Variants in LARP1 observed in about 807,000 individuals in gnomAD.
LARP1 encodes La ribonucleoprotein 1, translational regulator, also known as la-related protein 1.
A neutral mutation model predicts 122.7 loss-of-function variants in LARP1; 36 were observed. The observed-to-expected ratio is 0.29, with a 90% CI of 0.22 to 0.39. LARP1 has a LOEUF of 0.39. LARP1 is among the 10% of genes least tolerant of loss of function. The pLI is 1.00. For missense variants in LARP1, 1,040 were observed against 1,403.6 expected, an observed-to-expected ratio of 0.74 and a Z score of 4.14; for synonymous variants, 539 against 528.7, an observed-to-expected ratio of 1.02 and a Z score of -0.27.
intron 1 of LARP1, among the ~76,000 whole-genome samples, chr5:154,705,007 A>G (rs1754882099): frequency 6.6e-6 from 1 of 151,520 alleles, no homozygotes; most frequent in Admixed American, 6.6e-5. Flanking sequence ...AATCCCAGCT[A>G]CTCAGGAGGC....
At chr5:154,705,098 A>G (rs1415357291) in intron 1 of LARP1, among the ~76,000 whole-genome samples, 1 of 145,274 alleles carries the variant, frequency 6.9e-6, no homozygotes, top group Non-Finnish European at 1.5e-5. Flanking sequence ...AGCCTGGGCG[A>G]CAGATCAAGA....
At chr5:154,691,096 A>C (rs1176759764) in intron 1 of LARP1, among the ~76,000 whole-genome samples, 1 of 114,820 alleles carries the variant, frequency 8.7e-6, no homozygotes, top group East Asian at 2.0e-4. Context: ...CGTCTCTACT[A>C]AAAAAAGAAA....
At chr5:154,797,522 C>CG (rs754298962) in intron 8 of LARP1, among the ~76,000 whole-genome samples, 1 of 151,840 alleles carries the variant, frequency 6.6e-6, no homozygotes, top group Non-Finnish European at 1.5e-5. Context: ...CATGAGCTAC[C>CG]GCGCCCGGCC....
intron 1 of LARP1, among the ~76,000 whole-genome samples, chr5:154,735,890 T>G (rs1178911423): frequency 6.6e-6 from 1 of 151,894 alleles, no homozygotes; most frequent in Non-Finnish European, 1.5e-5. Context: ...CCATTTTTAA[T>G]TATTTTAAAA....
At chr5:154,747,305 CAAAA>C (rs1159076798) in intron 1 of LARP1, among the ~76,000 whole-genome samples, 2 of 74,582 alleles carry the variant, frequency 2.7e-5, no homozygotes, top group Non-Finnish European at 5.5e-5. Context: ...GACTCTGTCC[CAAAA>C]AAAAAAAAAA....
intron 1 of LARP1, among the ~76,000 whole-genome samples, chr5:154,750,330 T>G (rs1354146036): frequency 6.6e-6 from 1 of 151,670 alleles, no homozygotes; most frequent in African/African-American, 2.4e-5. Context: ...GGTGCAGTGG[T>G]GCAATCATGG....
intron 1 of LARP1, among the ~76,000 whole-genome samples, chr5:154,684,555 T>C (rs1753836589): frequency 6.6e-6 from 1 of 152,176 alleles, no homozygotes; most frequent in East Asian, 1.9e-4. Flanking sequence ...TAGACCCTCC[T>C]GCCTTTGAGT....
At chr5:154,761,125 A>G (rs571454736) in intron 1 of LARP1, among the ~76,000 whole-genome samples, 3 of 152,232 alleles carry the variant, frequency 2.0e-5, no homozygotes, top group Non-Finnish European at 4.4e-5. Flanking sequence ...CTTCTAAGGA[A>G]AGGTCACAAT....
At chr5:154,743,628 T>G (rs1356248762) in intron 1 of LARP1, among the ~76,000 whole-genome samples, 2 of 149,894 alleles carry the variant, frequency 1.3e-5, no homozygotes, top group East Asian at 3.9e-4. Flanking sequence ...TTTGTTTGTT[T>G]GTTTGTTTAG....
intron 14 of LARP1, 33 bp from the exon 15 acceptor site, chr5:154,805,848 A>G (rs1220478173): frequency 2.5e-6 from 4 of 1,604,522 alleles, no homozygotes; most frequent in East Asian, 4.5e-5. Flanking sequence ...GCTGTGGGGA[A>G]CCTGGTGACA....
Position 154,795,318 on chromosome 5 carries a change from C to T in LARP1, c.1376C>T (p.Ala459Val). 5.6e-6 allele frequency: 9 copies of T among 1,613,546 alleles called. No individual in the cohort carries two copies. The highest frequency in any genetic ancestry group is 7.6e-6 in the Non-Finnish European group (9 of 1,179,720). Residue 459 changes from alanine to valine, a missense_variant and splice_region_variant, in exon 8 of 19, where the codon GCG becomes GTG. By Grantham distance (64) the Ala-to-Val change is moderately conservative. Around this residue, in one of 8 missense-constraint regions of LARP1, gnomAD observed 362 missense variants for 533.1 expected, o/e 0.68. Coordinates refer to ENST00000518297, the MANE Select transcript of LARP1 (RefSeq NM_033551.3). ...ALTTDISLIFAALKDSKVVEI... is the reference protein window; with the variant it reads ...ALTTDISLIFVALKDSKVVEI... ...ACCACTGACATTTCACTCATCTTTG[C>T]GGTATGTCTTCCTCCCTGGAGCTGG...
rs946437228 is a variant in LARP1 at position 154,817,274 on chromosome 5, A to T, written c.*3178A>T. ...ACACCCACCCTCTCCCCCTTCAGCC[A>T]TGCTGATGGCAGAGAAGATAAGAAC... is the stretch of plus-strand genomic sequence containing the variant. On this transcript the variant is annotated 3_prime_UTR_variant, in exon 19 of 19. Coordinates refer to ENST00000518297, the MANE Select transcript of LARP1 (RefSeq NM_033551.3). 3.3e-5 allele frequency: 5 copies of T among 152,510 alleles called. No homozygotes were observed. The highest frequency in any genetic ancestry group is 1.2e-4 in the African/African-American group (5 of 41,454). 9.4% of individuals were successfully genotyped at this position (152,510 alleles called of 1,614,324 possible).
chr5:154,792,557 T>G (rs1582426522), intron 3 of LARP1, 65 bp from the exon 4 acceptor site: 24 of 1,441,828 alleles, frequency 1.7e-5, no homozygotes. Context: ...TGACAGGGAG[T>G]GCCTTCCCTC....
chr5:154,707,723 A>G (rs1257730186), intron 1 of LARP1, among the ~76,000 whole-genome samples: 1 of 152,004 alleles, frequency 6.6e-6, no homozygotes, highest in Non-Finnish European at 1.5e-5. Flanking sequence ...AATATGTTCA[A>G]TTTTCTGCAA....
chr5:154,761,252 G>T (rs1338692183), intron 1 of LARP1, among the ~76,000 whole-genome samples: 3 of 152,172 alleles, frequency 2.0e-5, no homozygotes, highest in African/African-American at 4.8e-5. Context: ...GGAAGTGAGT[G>T]CCTGCCAGGT....
chr5:154,803,773 A>G lies in LARP1; in HGVS notation c.2439+28A>G, dbSNP rs1164278629. 1.9e-6 allele frequency: 3 copies of G among 1,603,162 alleles called. No homozygotes were observed. The highest frequency in any genetic ancestry group is 2.6e-6 in the Non-Finnish European group (3 of 1,170,080). On this transcript the variant is annotated intron_variant, in intron 13 of 18. Coordinates refer to ENST00000518297, the MANE Select transcript of LARP1 (RefSeq NM_033551.3). The surrounding 1 kb of genome is among the most constrained non-coding windows in gnomAD (Gnocchi z 4.4). ...GAGGCATTCCTGTCGGGCTGCTCAG[A>G]GTCTTGGGTCTACTTCATTGCATTC...
At chr5:154,736,830 T>C (rs1015376634) in intron 1 of LARP1, among the ~76,000 whole-genome samples, 5 of 151,918 alleles carry the variant, frequency 3.3e-5, no homozygotes, top group African/African-American at 9.7e-5. Context: ...CCTCCCAAAG[T>C]GCTGGGATTA....
intron 1 of LARP1, among the ~76,000 whole-genome samples, chr5:154,694,034 CACAAAGAAGCAATCAG>C (rs1000071129): frequency 3.9e-5 from 6 of 151,928 alleles, no homozygotes; most frequent in African/African-American, 1.5e-4. Context: ...TTAAACAACA[CACAAAGAAGCAATCAG>C]ACAAAGCCAG....
chr5:154,763,030 C>T (rs982166739), intron 1 of LARP1, among the ~76,000 whole-genome samples: 2 of 150,966 alleles, frequency 1.3e-5, no homozygotes, highest in African/African-American at 4.9e-5. Flanking sequence ...CCTGTTCTAG[C>T]CCAAGTGATC....
Sources: allele counts gnomAD v4.1 joint callset (sites outside exome capture counted in the v4.1 genomes callset), GRCh38; gene constraint gnomAD v4.1.1; regional missense constraint gnomAD v4.1.1; non-coding constraint Gnocchi (gnomAD v3.1); transcripts MANE v1.5; gene names NCBI Gene and HGNC (gene_info 2026-07-23, HGNC 2026-07-21).